KCNJ6: variants seen among roughly 807,000 people sequenced by gnomAD.
The protein encoded by KCNJ6 is G protein-activated inward rectifier potassium channel 2.
KCNJ6 carries 9 observed loss-of-function variants against 34.2 expected under a neutral mutation model. The ratio of observed to expected loss-of-function variants is 0.26; its 90% CI spans 0.16 to 0.46. The LOEUF is 0.46. KCNJ6 is among the 20% of genes least tolerant of loss of function. The pLI, the probability that KCNJ6 is intolerant of heterozygous loss-of-function variation, is 1.00. For missense variants in KCNJ6, 236 were observed against 531.3 expected (o/e 0.44, Z 5.46); for synonymous variants, 196 against 207.1 (o/e 0.95, Z 0.46).
chr21:37,792,027 G>A (rs1013661188), intron 2 of KCNJ6, among the ~76,000 whole-genome samples: 1 of 152,172 alleles, frequency 6.6e-6, no homozygotes, highest in African/African-American at 2.4e-5. Context: ...AATTGATATT[G>A]GAGAGATGTG....
In KCNJ6 at chr21:37,609,979, G is replaced by A. The variant is rs567589700; in HGVS notation, c.*15180C>T. The A allele has an allele frequency of 6.6e-6, 1 of 152,338 alleles. No homozygotes were observed. The highest frequency in any genetic ancestry group is 6.5e-5 in the Admixed American group (1 of 15,290). The allele number at this position is 152,338 out of a possible 1,614,324, so 9.4% of individuals were successfully genotyped here. A position where few individuals can be genotyped will look rare whatever the true frequency, so the allele number is the denominator to read the frequency against. Reference sequence around the variant, plus strand: ...TTATCTAGAAGGCACCTACCTCACAGCTCATCTCTCTGCTACCGGGTTTAG... The same window carrying A: ...TTATCTAGAAGGCACCTACCTCACAACTCATCTCTCTGCTACCGGGTTTAG... On this transcript the variant is annotated 3_prime_UTR_variant, in exon 4 of 4. Transcript: ENST00000609713.
At chr21:37,702,234 CA>C (rs374421896) in intron 3 of KCNJ6, among the ~76,000 whole-genome samples, 11 of 97,794 alleles carry the variant, frequency 1.1e-4, no homozygotes, top group Admixed American at 2.6e-4. Context: ...TTTTGTCTCA[CA>C]AAAAAAAAAA....
At chr21:37,667,671 G>A (rs1025805274) in intron 3 of KCNJ6, among the ~76,000 whole-genome samples, 1 of 151,438 alleles carries the variant, frequency 6.6e-6, no homozygotes, top group Non-Finnish European at 1.5e-5. Context: ...TAGCAGGTCC[G>A]GGGTAGCGGG....
At chr21:37,709,523 G>GAA (rs1491065925) in intron 3 of KCNJ6, among the ~76,000 whole-genome samples, 2 of 105,694 alleles carry the variant, frequency 1.9e-5, no homozygotes, top group African/African-American at 6.0e-5. Context: ...TCAAAAAAAA[G>GAA]AAAAGAAAAG....
At chr21:37,797,497 C>T (rs1480760559) in intron 2 of KCNJ6, among the ~76,000 whole-genome samples, 3 of 152,190 alleles carry the variant, frequency 2.0e-5, no homozygotes, top group African/African-American at 7.2e-5. Context: ...GTTTTAGAGT[C>T]TATCTTTATA....
intron 1 of KCNJ6, among the ~76,000 whole-genome samples, chr21:37,913,436 G>A (rs988133371): frequency 7.9e-5 from 12 of 152,098 alleles, no homozygotes; most frequent in Admixed American, 6.6e-4. Context: ...TCTCCTTTTC[G>A]GAAGCTCACC....
At chr21:37,732,252 C>G (rs1191862989) in intron 2 of KCNJ6, among the ~76,000 whole-genome samples, 1 of 152,192 alleles carries the variant, frequency 6.6e-6, no homozygotes, top group Non-Finnish European at 1.5e-5. Flanking sequence ...ATGCCAGGCA[C>G]AGCAGGGTGT....
intron 3 of KCNJ6, among the ~76,000 whole-genome samples, chr21:37,636,421 C>T (rs532900939): frequency 2.0e-5 from 3 of 152,296 alleles, no homozygotes; most frequent in African/African-American, 7.2e-5. Flanking sequence ...TGCGTGTGTG[C>T]GTAGCTTTTA....
chr21:37,634,529 C>A (rs1050864705), intron 3 of KCNJ6, among the ~76,000 whole-genome samples: 1 of 152,128 alleles, frequency 6.6e-6, no homozygotes, highest in Non-Finnish European at 1.5e-5. Flanking sequence ...TCATTTTTAA[C>A]AAATTGGAAA....
intron 3 of KCNJ6, among the ~76,000 whole-genome samples, chr21:37,696,944 G>T (rs78061828): frequency 2.0e-5 from 3 of 152,262 alleles, no homozygotes; most frequent in Non-Finnish European, 4.4e-5. Flanking sequence ...TCAATTTCAT[G>T]ATCTGAAATG....
intron 2 of KCNJ6, among the ~76,000 whole-genome samples, chr21:37,728,132 A>C (rs1477420847): frequency 4.6e-5 from 7 of 152,386 alleles, no homozygotes; most frequent in Middle Eastern, 3.4e-3. Flanking sequence ...TTGAAAAGGA[A>C]GAAAATTCTA....
rs753351206 is a variant in KCNJ6, at chr21:37,622,399, C to T, written c.*2760G>A. 3.9e-5 allele frequency: 6 copies of T among 152,148 alleles called. No individual in the cohort carries two copies. The highest frequency in any genetic ancestry group is 7.3e-5 in the Non-Finnish European group (5 of 68,036). The allele number at this position is 152,148 out of a possible 1,614,324, so 9.4% of individuals were successfully genotyped here. On this transcript the variant is annotated 3_prime_UTR_variant, in exon 4 of 4. Coordinates refer to ENST00000609713, the MANE Select transcript of KCNJ6 (RefSeq NM_002240.5). ...TGGAAAACACCATTCACTCACTACT[C>T]GCTGCTTAGAAAATCAGTCTCAATG...
intron 3 of KCNJ6, among the ~76,000 whole-genome samples, chr21:37,652,805 T>C (rs1032660065): frequency 1.4e-4 from 21 of 152,150 alleles, no homozygotes; most frequent in Non-Finnish European, 2.5e-4. Context: ...TCTTTTGCAA[T>C]GGGAGGAAAG....
Position 37,860,918 on chromosome 21 carries a change from TTTAAATCTCAGCTCCA to T in KCNJ6, c.-27-20225_-27-20210del, listed in dbSNP as rs2055591954. 1.3e-4 allele frequency among the ~76,000 whole-genome samples: 9 copies of T among 69,934 alleles called. No homozygotes were observed. In the South Asian group the frequency reaches 3.3e-3, roughly 26 times the overall value. 45.9% of individuals were successfully genotyped at this position (69,934 alleles called of 152,430 possible). A position where few individuals can be genotyped will look rare whatever the true frequency, so the allele number is the denominator to read the frequency against. ...ATAATCTGGGGTTAGACTCTCAGAG[TTTAAATCTCAGCTCCA>T]CTACTTGAGCTGCATGACATTGGGA... On this transcript the variant is annotated intron_variant, in intron 1 of 3. Coordinates refer to ENST00000609713, the MANE Select transcript of KCNJ6 (RefSeq NM_002240.5).
rs962668064 is a variant in KCNJ6, at chr21:37,828,804, C to T, written c.25+11854G>A. ...GCTTCCTAAACATGCTGCCTTCTCC[C>T]AGCTGTGGACTGTCCACGCTTCCCT... On this transcript the variant is annotated intron_variant, in intron 2 of 3. Coordinates refer to ENST00000609713, the MANE Select transcript of KCNJ6 (RefSeq NM_002240.5). 2.0e-5 allele frequency among the ~76,000 whole-genome samples: 3 copies of T among 152,224 alleles called. 1 individual carries two copies. The highest frequency in any genetic ancestry group is 4.8e-5 in the African/African-American group (2 of 41,458).
intron 3 of KCNJ6, among the ~76,000 whole-genome samples, chr21:37,696,360 G>A (rs560247826): frequency 8.5e-4 from 130 of 152,306 alleles, no homozygotes; most frequent in African/African-American, 2.9e-3. Flanking sequence ...CTGACCTTAT[G>A]TGCCTCCTGA....
At chr21:37,783,055 T>TCAAAC (rs1205203466) in intron 2 of KCNJ6, among the ~76,000 whole-genome samples, 3 of 152,120 alleles carry the variant, frequency 2.0e-5, no homozygotes, top group Non-Finnish European at 4.4e-5. Context: ...ACTGTCAAGC[T>TCAAAC]CAAATCCTTA....
intron 2 of KCNJ6, among the ~76,000 whole-genome samples, chr21:37,747,919 A>C (rs967889917): frequency 1.3e-5 from 2 of 152,218 alleles, no homozygotes; most frequent in African/African-American, 4.8e-5. Flanking sequence ...CAGCTGCATA[A>C]GGAAACTAAC....
At position 37,620,445 on chromosome 21, in the gene KCNJ6, C is replaced by T. The variant is rs1480501155; in HGVS notation, c.*4714G>A. ...AATTTAGGATGATTTTCACATGTCT[C>T]AAAATATTCTTCTTTTCTTTTTTTT... is the stretch of plus-strand genomic sequence containing the variant. On this transcript the variant is annotated 3_prime_UTR_variant, in exon 4 of 4. Transcript: ENST00000609713. 1 of 151,906 alleles carries T rather than the reference C, an allele frequency of 6.6e-6. No individual in the cohort carries two copies. The highest frequency in any genetic ancestry group is 1.5e-5 in the Non-Finnish European group (1 of 67,990). 9.4% of individuals were successfully genotyped at this position (151,906 alleles called of 1,614,324 possible).
Sources: allele counts gnomAD v4.1 joint callset (sites outside exome capture counted in the v4.1 genomes callset), GRCh38; gene constraint gnomAD v4.1.1; transcripts MANE v1.5; gene names NCBI Gene and HGNC (gene_info 2026-07-23, HGNC 2026-07-21).